The following CD38 variants were observed in gnomAD, a reference collection of about 807,000 sequenced individuals.
CD38 encodes the protein ADP-ribosyl cyclase/cyclic ADP-ribose hydrolase 1.
A neutral mutation model predicts 36.3 loss-of-function variants in CD38; 31 were observed. The observed-to-expected ratio is 0.85, with a 90% CI of 0.64 to 1.15. CD38 has a LOEUF of 1.15. Among genes scored for constraint, CD38 ranks in the 50% most tolerant of loss-of-function variants. The pLI is 0.00. For synonymous variants in CD38, 131 were observed against 135.2 expected, an observed-to-expected ratio of 0.97 and a Z score of 0.22; for missense variants, 380 against 371.9, an observed-to-expected ratio of 1.02 and a Z score of -0.18.
chr4:15,780,489 T>C lies in CD38; in HGVS notation c.233+1842T>C, dbSNP rs1251402842. Among the ~76,000 whole-genome samples the C allele has an allele frequency of 2.7e-5, 4 of 147,486 alleles. No homozygotes were observed. In the South Asian group the frequency reaches 6.3e-4, roughly 23 times the overall value. On this transcript the variant is annotated intron_variant, in intron 1 of 7. Coordinates refer to ENST00000226279, the MANE Select transcript of CD38 (RefSeq NM_001775.4). ...GCTTATTTATTTCTTATGGGAGATTTTTATATATTTTAGATAATATTCTCT... is the reference window on the plus strand; with the variant it reads ...GCTTATTTATTTCTTATGGGAGATTCTTATATATTTTAGATAATATTCTCT...
chr4:15,839,966 G>A (rs1181210901), intron 5 of CD38, 60 bp from the exon 6 acceptor site: 2 of 1,092,654 alleles, frequency 1.8e-6, no homozygotes, highest in Non-Finnish European at 2.8e-6. Context: ...GTTGTTGAGG[G>A]GGGTGTGGAT....
At chr4:15,837,260 T>C (rs1311456415) in intron 4 of CD38, among the ~76,000 whole-genome samples, 1 of 152,228 alleles carries the variant, frequency 6.6e-6, no homozygotes, top group African/African-American at 2.4e-5. Context: ...AGCACCTTTA[T>C]TTTGCCAATC....
intron 1 of CD38, among the ~76,000 whole-genome samples, chr4:15,787,830 T>C (rs1249539441): frequency 1.3e-5 from 2 of 152,158 alleles, no homozygotes; most frequent in Non-Finnish European, 1.5e-5. Context: ...AGTACAGACA[T>C]AATGCCGAAA....
rs775251330 is a variant in CD38, at chr4:15,778,557, A to T, written c.143A>T (p.Gln48Leu). Residue 48 changes from glutamine (Q) to leucine (L), a missense_variant, in exon 1 of 8, where the codon CAG (glutamine) becomes CTG (leucine). Gln to Leu is a moderately radical substitution (Grantham distance 113). Coordinates refer to ENST00000226279, the MANE Select transcript of CD38 (RefSeq NM_001775.4). The surrounding 1 kb of genome is among the most constrained non-coding windows in gnomAD (Gnocchi z 4.9). Reference protein sequence around the residue: ...VLAVVVPRWRQQWSGPGTTKR... With the variant: ...VLAVVVPRWRLQWSGPGTTKR... The stretch of plus-strand genomic sequence containing the variant: ...GCGGTGGTCGTCCCGAGGTGGCGCC[A>T]GCAGTGGAGCGGTCCGGGCACCACC... 2 of 1,613,414 alleles carry T rather than the reference A, an allele frequency of 1.2e-6. No homozygotes were observed. The highest frequency in any genetic ancestry group is 1.7e-6 in the Non-Finnish European group (2 of 1,179,972).
At chr4:15,806,691 G>A (rs781123216) in intron 1 of CD38, among the ~76,000 whole-genome samples, 67 of 152,168 alleles carry the variant, frequency 4.4e-4, no homozygotes, top group Non-Finnish European at 7.2e-4. Flanking sequence ...TGTACAGGGC[G>A]ATAGGGTGAG....
At chr4:15,783,290 C>A (rs1722737290) in intron 1 of CD38, among the ~76,000 whole-genome samples, 1 of 152,160 alleles carries the variant, frequency 6.6e-6, no homozygotes, top group African/African-American at 2.4e-5. Flanking sequence ...AATGGAGAGC[C>A]AGCACCTAGG....
chr4:15,790,067 G>A (rs1722925277), intron 1 of CD38, among the ~76,000 whole-genome samples: 1 of 151,626 alleles, frequency 6.6e-6, no homozygotes, highest in South Asian at 2.1e-4. Flanking sequence ...TAGGTAAAAG[G>A]AACAGCATGT....
At chr4:15,836,079 G>T (rs1376406744) in intron 4 of CD38, among the ~76,000 whole-genome samples, 1 of 152,326 alleles carries the variant, frequency 6.6e-6, no homozygotes, top group East Asian at 1.9e-4. Flanking sequence ...ACTGGGGCAG[G>T]TGGAAATGTA....
At chr4:15,840,914 G>A (rs1030426013) in intron 7 of CD38, among the ~76,000 whole-genome samples, 1 of 152,092 alleles carries the variant, frequency 6.6e-6, no homozygotes. Context: ...TTTCTCCCAA[G>A]TTGTAAAATC....
intron 1 of CD38, among the ~76,000 whole-genome samples, chr4:15,779,241 A>T (rs904885404): frequency 4.6e-5 from 7 of 152,348 alleles, no homozygotes; most frequent in Admixed American, 2.0e-4. Context: ...CCTGAAATGC[A>T]TGTGACCAGA....
rs577441494 is a variant in CD38 at position 15,852,034 on chromosome 4, C to T, written c.*3432C>T. The T allele has an allele frequency of 4.0e-4, 61 of 152,334 alleles. No individual in the cohort carries two copies. The highest frequency in any genetic ancestry group is 1.3e-3 in the African/African-American group (56 of 41,578). The allele number at this position is 152,334 out of a possible 1,614,324, so 9.4% of individuals were successfully genotyped here. A position where few individuals can be genotyped will look rare whatever the true frequency, so the allele number is the denominator to read the frequency against. On this transcript the variant is annotated 3_prime_UTR_variant, in exon 8 of 8. Coordinates refer to ENST00000226279, the MANE Select transcript of CD38 (RefSeq NM_001775.4). ...AGACCGTCATCATATATGTGGTCCA[C>T]TGTTTGGGCCATCATTGGCTGAAAA... is the stretch of plus-strand genomic sequence containing the variant.
chr4:15,840,410 G>A, intron 6 of CD38, 42 bp from the exon 7 acceptor site: 2 of 1,320,932 alleles, frequency 1.5e-6, no homozygotes, highest in Non-Finnish European at 2.2e-6. Flanking sequence ...AAAAATGTTT[G>A]TGAGATCTTG....
intron 1 of CD38, among the ~76,000 whole-genome samples, chr4:15,780,526 A>ACATG (rs1553871761): frequency 4.3e-5 from 6 of 139,276 alleles, no homozygotes; most frequent in East Asian, 2.2e-4. Flanking sequence ...TCTCACACAC[A>ACATG]CACACACACA....
chr4:15,804,011 T>C (rs2148919149), intron 1 of CD38, among the ~76,000 whole-genome samples: 1 of 152,358 alleles, frequency 6.6e-6, no homozygotes, highest in Admixed American at 6.5e-5. Context: ...TGCATGGTAT[T>C]CCATGGTGTA....
At chr4:15,786,232 C>T (rs538384924) in intron 1 of CD38, among the ~76,000 whole-genome samples, 1 of 152,238 alleles carries the variant, frequency 6.6e-6, no homozygotes, top group Non-Finnish European at 1.5e-5. Context: ...TGGCTCCCCC[C>T]AGCCTGCTTT....
chr4:15,803,074 G>A (rs1466447372), intron 1 of CD38, among the ~76,000 whole-genome samples: 1 of 152,026 alleles, frequency 6.6e-6, no homozygotes, highest in Non-Finnish European at 1.5e-5. Flanking sequence ...AATATTGCTG[G>A]GGAAACTGGA....
At chr4:15,835,668 A>G (rs1338252260) in intron 4 of CD38, among the ~76,000 whole-genome samples, 1 of 151,926 alleles carries the variant, frequency 6.6e-6, no homozygotes. Context: ...ATGGGCCACC[A>G]TGCCCGGCTA....
chr4:15,832,567 A>G (rs1723981086), intron 3 of CD38, among the ~76,000 whole-genome samples: 1 of 152,184 alleles, frequency 6.6e-6, no homozygotes, highest in Non-Finnish European at 1.5e-5. Context: ...ATTACCAGGC[A>G]GAGATTCTTT....
At chr4:15,821,770 T>TA (rs777718484) in intron 2 of CD38, among the ~76,000 whole-genome samples, 3 of 148,782 alleles carry the variant, frequency 2.0e-5, no homozygotes, top group Non-Finnish European at 4.4e-5. Flanking sequence ...GAGGAGCTGA[T>TA]ACCCTTTCTT....
Sources: allele counts gnomAD v4.1 joint callset (sites outside exome capture counted in the v4.1 genomes callset), GRCh38; gene constraint gnomAD v4.1.1; non-coding constraint Gnocchi (gnomAD v3.1); transcripts MANE v1.5; gene names NCBI Gene and HGNC (gene_info 2026-07-23, HGNC 2026-07-21).